The following STXBP5L variants were observed in gnomAD, a reference collection of about 807,000 sequenced individuals.
STXBP5L encodes the protein syntaxin-binding protein 5-like.
STXBP5L carries 65 observed loss-of-function variants against 144.5 expected under a neutral mutation model. The observed-to-expected ratio is 0.45, with a 90% CI of 0.37 to 0.55. The LOEUF (loss-of-function observed/expected upper bound fraction) is 0.55. STXBP5L is among the 20% of genes least tolerant of loss of function. The probability of loss-of-function intolerance (pLI) is 0.00; values close to 1 mark genes in which losing one functional copy is unlikely to be tolerated. For missense variants in STXBP5L, 1,298 were observed against 1,405.5 expected, an observed-to-expected ratio of 0.92 and a Z score of 1.22; for synonymous variants, 505 against 469.6, an observed-to-expected ratio of 1.08 and a Z score of -0.97.
Position 121,183,464 on chromosome 3 carries a change from G to A in STXBP5L, c.878-22459G>A, listed in dbSNP as rs139718470. 2.6e-3 allele frequency among the ~76,000 whole-genome samples: 403 copies of A among 152,234 alleles called. 4 individuals carry two copies. The highest frequency in any genetic ancestry group is 9.1e-3 in the African/African-American group (377 of 41,540). On this transcript the variant is annotated intron_variant, in intron 9 of 26. Transcript: ENST00000471454. Reference sequence around the variant, plus strand: ...TAAAGTTTCAGGACAAAACAAATCAGTGTACACAAATCAGTAGCACTGATA... The same window carrying A: ...TAAAGTTTCAGGACAAAACAAATCAATGTACACAAATCAGTAGCACTGATA...
At chr3:121,058,927 G>A (rs1408490931) in intron 5 of STXBP5L, among the ~76,000 whole-genome samples, 1 of 152,162 alleles carries the variant, frequency 6.6e-6, no homozygotes, top group Non-Finnish European at 1.5e-5. Flanking sequence ...TGGGTTGCCT[G>A]TTCACTCTGA....
chr3:120,994,081 T>C (rs1031678399), intron 3 of STXBP5L, among the ~76,000 whole-genome samples: 3 of 152,078 alleles, frequency 2.0e-5, no homozygotes, highest in African/African-American at 7.2e-5. Flanking sequence ...CTCAATTTCT[T>C]TTTCAGCTTT....
At chr3:121,252,061 G>A (rs1032009097) in intron 15 of STXBP5L, among the ~76,000 whole-genome samples, 10 of 152,132 alleles carry the variant, frequency 6.6e-5, no homozygotes, top group Admixed American at 5.9e-4. Flanking sequence ...TCACTTTTTG[G>A]CTTTTAAAAT....
intron 5 of STXBP5L, among the ~76,000 whole-genome samples, chr3:121,078,459 G>A (rs371838683): frequency 4.6e-5 from 7 of 152,238 alleles, no homozygotes; most frequent in East Asian, 1.9e-4. Flanking sequence ...GAGGAGCCCC[G>A]CTGTCGTCAC....
chr3:120,958,784 C>T (rs1295075853), intron 3 of STXBP5L, among the ~76,000 whole-genome samples: 2 of 151,920 alleles, frequency 1.3e-5, no homozygotes, highest in Non-Finnish European at 2.9e-5. Context: ...TATGACAAAC[C>T]CACAGCCAAT....
At chr3:121,365,447 T>A (rs566895449) in intron 20 of STXBP5L, among the ~76,000 whole-genome samples, 2 of 151,816 alleles carry the variant, frequency 1.3e-5, no homozygotes, top group Non-Finnish European at 3.0e-5. Context: ...TGATTAAATC[T>A]TTTTACTAGT....
rs552937125 is a variant in STXBP5L, at chr3:121,323,178, G to A, written c.2176+4638G>A. Among the ~76,000 whole-genome samples, 139 of 152,210 alleles carry A rather than the reference G, an allele frequency of 9.1e-4. 1 individual carries two copies. Among genetic ancestry groups the A allele is most frequent in the Admixed American group, 1.8e-3 (27 of 15,286 alleles). The stretch of plus-strand genomic sequence containing the variant: ...CCCTATTGATTGTTTCTCTTGCTGT[G>A]CAGAAGCTTTTTAATTAGGTCCCAC... On this transcript the variant is annotated intron_variant, in intron 20 of 26. Coordinates refer to ENST00000471454, the MANE Select transcript of STXBP5L (RefSeq NM_001308330.2).
At chr3:120,940,761 T>C (rs971605956) in intron 2 of STXBP5L, among the ~76,000 whole-genome samples, 1 of 151,890 alleles carries the variant, frequency 6.6e-6, no homozygotes, top group African/African-American at 2.4e-5. Flanking sequence ...TTAGGGGTTA[T>C]GCCCATGGTT....
rs143722432 is a variant in STXBP5L, at chr3:121,195,864, C to T, written c.878-10059C>T. Among the ~76,000 whole-genome samples the T allele has an allele frequency of 2.7e-3, 409 of 152,294 alleles. 1 individual carries two copies. Among genetic ancestry groups the T allele is most frequent in the African/African-American group, 9.2e-3 (381 of 41,558 alleles). On this transcript the variant is annotated intron_variant, in intron 9 of 26. Transcript: ENST00000471454. ...GCACACAGTAGGATCCAAGCCCTGGCCCTGCCCCCTGGGACACATTTGTCA... is the reference window on the plus strand; with the variant it reads ...GCACACAGTAGGATCCAAGCCCTGGTCCTGCCCCCTGGGACACATTTGTCA...
intron 3 of STXBP5L, among the ~76,000 whole-genome samples, chr3:121,007,000 A>T (rs924977903): frequency 3.3e-5 from 5 of 151,846 alleles, no homozygotes; most frequent in African/African-American, 1.2e-4. Context: ...CTTCATTTCA[A>T]CTTTGGTGAA....
At chr3:121,060,050 A>G (rs2041186761) in intron 5 of STXBP5L, among the ~76,000 whole-genome samples, 1 of 152,116 alleles carries the variant, frequency 6.6e-6, no homozygotes, top group Admixed American at 6.6e-5. Context: ...GTCTTATGCT[A>G]GTTTTGAAAG....
At chr3:120,908,646 G>C (rs992530437) in intron 1 of STXBP5L, among the ~76,000 whole-genome samples, 1 of 151,620 alleles carries the variant, frequency 6.6e-6, no homozygotes, top group African/African-American at 2.4e-5. Context: ...AGCGGGAGCG[G>C]CGGCTCTGCG....
At chr3:120,986,088 G>A (rs78564639) in intron 3 of STXBP5L, among the ~76,000 whole-genome samples, 11,569 of 151,778 alleles carry the variant, frequency 0.076, 538 homozygotes, top group Middle Eastern at 0.12. Flanking sequence ...GTTTTGGTAT[G>A]TTTTCATTTT....
At chr3:121,050,591 A>G (rs1010130607) in intron 5 of STXBP5L, among the ~76,000 whole-genome samples, 11 of 152,306 alleles carry the variant, frequency 7.2e-5, no homozygotes, top group African/African-American at 2.4e-4. Context: ...GAAGCACTAA[A>G]CATGGAAAGG....
chr3:121,185,788 T>C (rs1559838195), intron 9 of STXBP5L, among the ~76,000 whole-genome samples: 1 of 151,548 alleles, frequency 6.6e-6, no homozygotes. Flanking sequence ...TGGGCCCTTT[T>C]TGGTTCCATA....
At chr3:121,359,983 T>TATATATATTATTACTATATA (rs1553776888) in intron 20 of STXBP5L, among the ~76,000 whole-genome samples, 2 of 110,924 alleles carry the variant, frequency 1.8e-5, no homozygotes, top group African/African-American at 3.5e-5. Flanking sequence ...TAATATAATA[T>TATATATATTATTACTATATA]ATATAATATA....
At chr3:121,351,556 ATTTG>A (rs2045282906) in intron 20 of STXBP5L, among the ~76,000 whole-genome samples, 1 of 152,044 alleles carries the variant, frequency 6.6e-6, no homozygotes, top group Non-Finnish European at 1.5e-5. Flanking sequence ...GTTCTTGTAA[ATTTG>A]TTTAAGTTCT....
intron 5 of STXBP5L, among the ~76,000 whole-genome samples, chr3:121,063,762 G>A (rs188690140): frequency 1.3e-5 from 2 of 152,208 alleles, no homozygotes; most frequent in East Asian, 3.9e-4. Context: ...CCATCCAGGT[G>A]GAACTTCCTG....
intron 3 of STXBP5L, among the ~76,000 whole-genome samples, chr3:121,004,136 TG>T (rs1284463759): frequency 6.6e-6 from 1 of 152,226 alleles, no homozygotes; most frequent in Admixed American, 6.5e-5. Context: ...TAAATTACCT[TG>T]GGCAGTATGG....
Sources: allele counts gnomAD v4.1 joint callset (sites outside exome capture counted in the v4.1 genomes callset), GRCh38; gene constraint gnomAD v4.1.1; transcripts MANE v1.5; gene names NCBI Gene and HGNC (gene_info 2026-07-23, HGNC 2026-07-21).